BPTF: variants seen among roughly 807,000 people sequenced by gnomAD.
The protein encoded by BPTF is nucleosome-remodeling factor subunit BPTF.
A neutral mutation model predicts 292.5 loss-of-function variants in BPTF; 18 were observed. That is an observed-to-expected ratio of 0.06 (90% CI 0.04 to 0.09). The LOEUF (loss-of-function observed/expected upper bound fraction) is 0.09, where lower values mean the gene tolerates loss of function less well. Among genes scored for constraint, BPTF ranks in the 10% least tolerant of loss-of-function variants. The probability of loss-of-function intolerance (pLI) is 1.00; values close to 1 mark genes in which losing one functional copy is unlikely to be tolerated. For synonymous variants in BPTF, 1,225 were observed against 1,251.9 expected, an observed-to-expected ratio of 0.98 and a Z score of 0.45; for missense variants, 2,726 against 3,498.7, an observed-to-expected ratio of 0.78 and a Z score of 5.57.
At position 67,976,685 on chromosome 17, in the gene BPTF, CAAAAAA is replaced by C. The variant is rs1156404121; in HGVS notation, c.8726+752_8726+757del. On this transcript the variant is annotated intron_variant, in intron 27 of 27. Transcript: ENST00000306378. ...TGAGTGACAGAGTGAGACCCTGTCT[CAAAAAA>C]AAAAAAAAAAAAAAAAAAAAAAAAT... Among the ~76,000 whole-genome samples the C allele has an allele frequency of 6.7e-3, 166 of 24,864 alleles. 1 individual carries two copies. The highest frequency in any genetic ancestry group is 0.012 in the African/African-American group (121 of 9,858). 16.3% of individuals were successfully genotyped at this position (24,864 alleles called of 152,430 possible).
At position 67,893,625 on chromosome 17, in the gene BPTF, G is replaced by A; in HGVS notation, c.2311G>A (p.Gly771Arg). ...GTTCAAATGGAACGGTTCTGTCCATGGGTCCAAAGTTCTTACCATATCTAC... is the reference window on the plus strand; with the variant it reads ...GTTCAAATGGAACGGTTCTGTCCATAGGTCCAAAGTTCTTACCATATCTAC... ...GEFKWNGSVH[G>R]SKVLTISTLR... The change falls in exon 6 of 28, where the codon GGG becomes AGG. Residue 771 changes from glycine (G) to arginine (R), a missense_variant. Physicochemically the swap from Gly to Arg is moderately radical, Grantham distance 125. Around this residue, in one of 22 missense-constraint regions of BPTF, gnomAD observed 99 missense variants for 227.1 expected, o/e 0.44. Transcript: ENST00000306378. 1 of 1,611,446 alleles carries A rather than the reference G, an allele frequency of 6.2e-7. No homozygotes were observed. Among genetic ancestry groups the A allele is most frequent in the African/African-American group, 1.3e-5 (1 of 74,942 alleles).
chr17:67,898,356 G>A (rs1404225041), intron 7 of BPTF, among the ~76,000 whole-genome samples: 1 of 152,188 alleles, frequency 6.6e-6, no homozygotes, highest in African/African-American at 2.4e-5. Context: ...GCAAGATGCT[G>A]TCTTAAAAAG....
intron 17 of BPTF, among the ~76,000 whole-genome samples, chr17:67,930,436 T>C (rs1475940112): frequency 6.6e-6 from 1 of 151,870 alleles, no homozygotes; most frequent in African/African-American, 2.4e-5. Context: ...TGACCTCAGG[T>C]GATCCACCTG....
In BPTF at chr17:67,912,795, A is replaced by G; in HGVS notation, c.4911A>G (p.Thr1637=). The change falls in exon 11 of 28, where the codon ACA becomes ACG. Residue 1637 remains threonine, a synonymous_variant. Transcript: ENST00000306378. ...CTACAACAGTGACCAAGCTTTCCAC[A>G]CCCTCCACAGGCGGCAGTGTGGACA... ...TTTTTVTKLS[T]PSTGGSVDII... 6.2e-7 allele frequency: 1 copy of G among 1,614,096 alleles called. No individual in the cohort carries two copies. Among genetic ancestry groups the G allele is most frequent in the Non-Finnish European group, 8.5e-7 (1 of 1,180,000 alleles).
chr17:67,938,415 G>C (rs2065097828), intron 18 of BPTF, among the ~76,000 whole-genome samples: 1 of 152,186 alleles, frequency 6.6e-6, no homozygotes, highest in South Asian at 2.1e-4. Flanking sequence ...AAATGAATGA[G>C]AGTAACCAAG....
intron 16 of BPTF, 187 bp from the exon 17 acceptor site, chr17:67,929,149 A>T (rs1411993285): frequency 7.3e-7 from 1 of 1,363,782 alleles, no homozygotes; most frequent in Non-Finnish European, 9.4e-7. Flanking sequence ...TTTAATTCAC[A>T]TTTGCCAGAT....
chr17:67,961,589 G>A (rs540541645), intron 24 of BPTF, among the ~76,000 whole-genome samples: 2 of 152,296 alleles, frequency 1.3e-5, no homozygotes, highest in East Asian at 1.9e-4. Flanking sequence ...GCTCATACCT[G>A]TAATCTCAGC....
At chr17:67,879,419 C>T (rs749868600) in intron 4 of BPTF, among the ~76,000 whole-genome samples, 39 of 152,132 alleles carry the variant, frequency 2.6e-4, no homozygotes, top group Non-Finnish European at 5.1e-4. Context: ...GGATTAGAGG[C>T]GTGAGCCACC....
At position 67,983,517 on chromosome 17, in the gene BPTF, G is replaced by C. The variant is rs1405969864; in HGVS notation, c.*1229G>C. 6.6e-6 allele frequency: 1 copy of C among 152,622 alleles called. No individual in the cohort carries two copies. The highest frequency in any genetic ancestry group is 2.4e-5 in the African/African-American group (1 of 41,466). 9.5% of individuals were successfully genotyped at this position (152,622 alleles called of 1,614,324 possible). ...TCTGTGTTATTTGTTGATTGGGTTTGTTTTCTGTTTGTTGGTTTGTTTGTT... is the reference window on the plus strand; with the variant it reads ...TCTGTGTTATTTGTTGATTGGGTTTCTTTTCTGTTTGTTGGTTTGTTTGTT... On this transcript the variant is annotated 3_prime_UTR_variant, in exon 28 of 28. Transcript: ENST00000306378.
chr17:67,893,085 G>C, intron 5 of BPTF: 1 of 347,954 alleles, frequency 2.9e-6, no homozygotes, highest in Non-Finnish European at 5.3e-6. Context: ...TGGTTTCATG[G>C]GTATATTTGA....
intron 1 of BPTF, among the ~76,000 whole-genome samples, chr17:67,836,330 C>T (rs1208697428): frequency 6.6e-6 from 1 of 152,134 alleles, no homozygotes; most frequent in Non-Finnish European, 1.5e-5. Context: ...TCAGTAGGTG[C>T]AGTTTATATA....
At chr17:67,885,607 C>A (rs1036055709) in intron 4 of BPTF, among the ~76,000 whole-genome samples, 2 of 152,082 alleles carry the variant, frequency 1.3e-5, no homozygotes, top group African/African-American at 2.4e-5. Context: ...AGTTAACAAT[C>A]GCATTTAGGC....
chr17:67,869,603 T>G (rs1170205394), intron 3 of BPTF, among the ~76,000 whole-genome samples: 2 of 152,132 alleles, frequency 1.3e-5, no homozygotes, highest in Non-Finnish European at 2.9e-5. Flanking sequence ...AGAATTGTAG[T>G]TGGTTTCCTT....
intron 2 of BPTF, among the ~76,000 whole-genome samples, chr17:67,862,856 A>G (rs1229793227): frequency 2.0e-5 from 3 of 150,576 alleles, no homozygotes; most frequent in East Asian, 1.9e-4. Flanking sequence ...TAGCACCCCA[A>G]GTGTCCTTGG....
chr17:67,936,432 G>A (rs183219956), intron 18 of BPTF, among the ~76,000 whole-genome samples: 1 of 152,272 alleles, frequency 6.6e-6, no homozygotes. Context: ...TGACAGTTGT[G>A]GTAAATTGCC....
intron 1 of BPTF, among the ~76,000 whole-genome samples, chr17:67,843,247 AAT>A (rs938474342): frequency 9.5e-5 from 14 of 146,630 alleles, no homozygotes; most frequent in Non-Finnish European, 2.0e-4. Context: ...CATACATGTA[AAT>A]ATATATCTAC....
intron 17 of BPTF, among the ~76,000 whole-genome samples, chr17:67,930,678 T>C (rs2064300303): frequency 1.3e-5 from 2 of 152,090 alleles, no homozygotes; most frequent in East Asian, 3.9e-4. Context: ...GGGCAGTAGC[T>C]CAAGCCTGTA....
intron 26 of BPTF, among the ~76,000 whole-genome samples, chr17:67,968,786 CA>C (rs71142117): frequency 6.5e-5 from 9 of 137,662 alleles, no homozygotes; most frequent in Non-Finnish European, 4.6e-5. Context: ...AGACACGTCT[CA>C]AAAAAAAAAA....
rs779506952 is a variant in BPTF, at chr17:67,886,136, A to T, written c.1865-5708A>T. On this transcript the variant is annotated intron_variant, in intron 4 of 27. Transcript: ENST00000306378. ...ATATTCTATTTTTCTAGAAGAACCT[A>T]ACAAGACATGTGAGAGCAGTAACAC... 8 of 1,554,692 alleles carry T rather than the reference A, an allele frequency of 5.1e-6. No homozygotes were observed. The Middle Eastern group carries it at 8.6e-4, about 167-fold the overall frequency.
Sources: gnomAD v4.1 joint callset for allele counts (sites outside exome capture counted in the v4.1 genomes callset) on GRCh38, gnomAD v4.1.1 for gene constraint, gnomAD v4.1.1 regional missense constraint, MANE v1.5 for transcripts, NCBI Gene and HGNC (gene_info 2026-07-23, HGNC 2026-07-21) for gene names.